Variants in PRKG1 observed in about 807,000 individuals in gnomAD.
PRKG1 encodes the protein protein kinase cGMP-dependent 1.
In PRKG1, 35 loss-of-function variants were observed where a neutral mutation model predicts 88.1. That is an observed-to-expected ratio of 0.40 (90% confidence interval 0.30 to 0.53). PRKG1 has a LOEUF of 0.53. PRKG1 is among the 20% of genes least tolerant of loss of function. The probability of loss-of-function intolerance (pLI) is 0.59; values close to 1 mark genes in which losing one functional copy is unlikely to be tolerated. For missense variants in PRKG1, 540 were observed against 839.8 expected (o/e 0.64, Z 4.41); for synonymous variants, 303 against 292.5 (o/e 1.04, Z -0.37).
intron 3 of PRKG1, among the ~76,000 whole-genome samples, chr10:51,756,102 G>A (rs1837853025): frequency 6.6e-6 from 1 of 152,142 alleles, no homozygotes; most frequent in African/African-American, 2.4e-5. Flanking sequence ...AGATAACATT[G>A]GGGGCAGACA....
intron 1 of PRKG1, among the ~76,000 whole-genome samples, chr10:51,137,070 A>G (rs1276942658): frequency 1.3e-5 from 2 of 152,002 alleles, no homozygotes; most frequent in African/African-American, 4.8e-5. Context: ...TGTTTTTGGT[A>G]GAGACGGGGT....
At chr10:51,432,570 T>C (rs542220578) in intron 2 of PRKG1, among the ~76,000 whole-genome samples, 2 of 152,280 alleles carry the variant, frequency 1.3e-5, no homozygotes, top group South Asian at 4.1e-4. Flanking sequence ...GAATACTGCC[T>C]GGTACTGACA....
At chr10:51,571,941 C>G (rs557090665) in intron 3 of PRKG1, among the ~76,000 whole-genome samples, 2 of 150,720 alleles carry the variant, frequency 1.3e-5, no homozygotes, top group African/African-American at 4.9e-5. Context: ...GGAAAGCATA[C>G]GAAATATTGT....
chr10:51,479,190 A>G (rs10823071), intron 3 of PRKG1, among the ~76,000 whole-genome samples: 49,070 of 151,804 alleles, frequency 0.32, 9,483 homozygotes, highest in East Asian at 0.83. Context: ...ATTTTTCTGT[A>G]TAGACTGTTT....
chr10:51,342,128 G>C (rs1193323854), intron 2 of PRKG1, among the ~76,000 whole-genome samples: 4 of 152,152 alleles, frequency 2.6e-5, no homozygotes, highest in Non-Finnish European at 4.4e-5. Context: ...GGCCCTTGCT[G>C]TTGAATCTTA....
intron 3 of PRKG1, among the ~76,000 whole-genome samples, chr10:51,749,109 A>G (rs1263229400): frequency 6.6e-6 from 1 of 150,878 alleles, no homozygotes; most frequent in Non-Finnish European, 1.5e-5. Flanking sequence ...TGAAATTAAC[A>G]AGATAAGATT....
At chr10:52,290,867 G>A (rs1319951836) in intron 17 of PRKG1, among the ~76,000 whole-genome samples, 1 of 147,742 alleles carries the variant, frequency 6.8e-6, no homozygotes, top group South Asian at 2.2e-4. Flanking sequence ...TCTAAAAAAA[G>A]AAATAAAATA....
At chr10:51,234,934 A>G (rs1270607665) in intron 2 of PRKG1, among the ~76,000 whole-genome samples, 1 of 152,206 alleles carries the variant, frequency 6.6e-6, no homozygotes, top group Non-Finnish European at 1.5e-5. Flanking sequence ...GACACATTTT[A>G]CCTAAGAGTA....
chr10:51,698,850 G>T (rs1254227822), intron 3 of PRKG1: 1 of 1,614,184 alleles, frequency 6.2e-7, no homozygotes, highest in South Asian at 1.1e-5. Flanking sequence ...GGAGCTGGAG[G>T]ATTCTGCTGG....
chr10:51,613,662 G>A (rs749418092), intron 3 of PRKG1, among the ~76,000 whole-genome samples: 20 of 151,602 alleles, frequency 1.3e-4, no homozygotes, highest in South Asian at 4.2e-4. Flanking sequence ...GTTTTGCTGT[G>A]TCTCACAAGT....
At position 51,704,752 on chromosome 10, in the gene PRKG1, G is replaced by T. The variant is rs1235142236; in HGVS notation, c.593-99833G>T. Among the ~76,000 whole-genome samples, 3 of 152,134 alleles carry T rather than the reference G, an allele frequency of 2.0e-5. No individual in the cohort carries two copies. In the East Asian group the frequency reaches 5.8e-4, roughly 29 times the overall value. On this transcript the variant is annotated intron_variant, in intron 3 of 17. Coordinates refer to ENST00000373980, the MANE Select transcript of PRKG1 (RefSeq NM_006258.4). ...AACCAAGAGAGTTGGTGAGGAGTGT[G>T]ACAAAAGATGGGCTTCTGGGACAGA...
intron 1 of PRKG1, among the ~76,000 whole-genome samples, chr10:51,043,421 A>G (rs889188205): frequency 6.6e-6 from 1 of 152,162 alleles, no homozygotes; most frequent in African/African-American, 2.4e-5. Flanking sequence ...CTTGCATCTT[A>G]TCACCTCTGG....
intron 3 of PRKG1, among the ~76,000 whole-genome samples, chr10:51,753,552 C>A (rs924323647): frequency 6.6e-6 from 1 of 152,076 alleles, no homozygotes; most frequent in Non-Finnish European, 1.5e-5. Flanking sequence ...AATGACTGGC[C>A]TTATCATTAA....
At chr10:51,567,584 T>A (rs1837639598) in intron 3 of PRKG1, among the ~76,000 whole-genome samples, 2 of 152,076 alleles carry the variant, frequency 1.3e-5, no homozygotes, top group Admixed American at 6.6e-5. Context: ...TGGTTATTTT[T>A]AAAAACCATA....
At chr10:51,798,641 T>C (rs1426430675) in intron 3 of PRKG1, among the ~76,000 whole-genome samples, 2 of 152,110 alleles carry the variant, frequency 1.3e-5, no homozygotes, top group Admixed American at 1.3e-4. Flanking sequence ...TGTAGGACCA[T>C]GTGATTTCAG....
intron 9 of PRKG1, among the ~76,000 whole-genome samples, chr10:52,238,550 G>A (rs1840754434): frequency 1.3e-5 from 2 of 151,762 alleles, no homozygotes; most frequent in Admixed American, 6.6e-5. Context: ...CATTTATGCA[G>A]CCAAAAAACA....
chr10:51,217,030 C>T (rs2132083338), intron 2 of PRKG1, among the ~76,000 whole-genome samples: 1 of 152,206 alleles, frequency 6.6e-6, no homozygotes. Flanking sequence ...AGAAAATGAT[C>T]TCCTGTGCAG....
chr10:51,107,747 C>T (rs1844875316), intron 1 of PRKG1, among the ~76,000 whole-genome samples: 1 of 142,786 alleles, frequency 7.0e-6, no homozygotes, highest in East Asian at 2.1e-4. Flanking sequence ...TATTTTGAGC[C>T]TGGGAAGTCG....
chr10:52,121,488 C>T (rs565025571), intron 7 of PRKG1, among the ~76,000 whole-genome samples: 3 of 152,168 alleles, frequency 2.0e-5, no homozygotes, highest in Non-Finnish European at 4.4e-5. Flanking sequence ...AAAATCATTT[C>T]TCTTCTCTCT....
Sources: gnomAD v4.1 joint callset for allele counts (sites outside exome capture counted in the v4.1 genomes callset) on GRCh38, gnomAD v4.1.1 for gene constraint, MANE v1.5 for transcripts, NCBI Gene and HGNC (gene_info 2026-07-23, HGNC 2026-07-21) for gene names.